Variants in CCSER2 observed in about 807,000 individuals in gnomAD.
CCSER2 encodes the protein coiled-coil serine rich protein 2.
A neutral mutation model predicts 92.3 loss-of-function variants in CCSER2; 46 were observed. The observed-to-expected ratio is 0.50, with a 90% CI of 0.39 to 0.64. The LOEUF is 0.64. CCSER2 is among the 30% of genes least tolerant of loss of function. The pLI is 0.00. For synonymous variants in CCSER2, 433 were observed against 431.4 expected (o/e 1.00, Z -0.04); for missense variants, 1,244 against 1,238.9 (o/e 1.00, Z -0.06).
Position 84,417,811 on chromosome 10 carries a change from A to G in CCSER2, c.1655A>G (p.Asp552Gly). Residue 552 changes from aspartate (D) to glycine (G), a missense_variant, in exon 4 of 10, where the codon GAT (aspartate) becomes GGT (glycine). Physicochemically the swap from Asp to Gly is moderately conservative, Grantham distance 94. Transcript: ENST00000372088. The stretch of plus-strand genomic sequence containing the variant: ...CTTGAATCATGTGACCTTGAGGATG[A>G]TGATCTTATGCTTGATGTGGATCTG... ...NNLESCDLEDDDLMLDVDLPE... is the reference protein window; with the variant it reads ...NNLESCDLEDGDLMLDVDLPE... 6.3e-7 allele frequency: 1 copy of G among 1,599,020 alleles called. No homozygotes were observed. The highest frequency in any genetic ancestry group is 8.6e-7 in the Non-Finnish European group (1 of 1,166,480).
chr10:84,495,348 A>G (rs890226368), intron 9 of CCSER2, among the ~76,000 whole-genome samples: 1 of 151,916 alleles, frequency 6.6e-6, no homozygotes, highest in African/African-American at 2.4e-5. Flanking sequence ...CAATATTTTA[A>G]CTTTGTTGTG....
intron 9 of CCSER2, among the ~76,000 whole-genome samples, chr10:84,495,388 T>C (rs927039984): frequency 6.6e-6 from 1 of 152,234 alleles, no homozygotes; most frequent in African/African-American, 2.4e-5. Context: ...CTATGGTCTG[T>C]CTTGGTAAAT....
chr10:84,460,124 C>T (rs2133648448), intron 6 of CCSER2, among the ~76,000 whole-genome samples: 1 of 129,376 alleles, frequency 7.7e-6, no homozygotes. Context: ...GAGTCTCACT[C>T]TGTTGCCCAG....
At chr10:84,453,793 T>A (rs1393266138) in intron 6 of CCSER2, among the ~76,000 whole-genome samples, 1 of 152,208 alleles carries the variant, frequency 6.6e-6, no homozygotes, top group Admixed American at 6.5e-5. Context: ...TTGGTACATC[T>A]TCTTGGCAGA....
chr10:84,371,139 A>G lies in CCSER2; in HGVS notation c.87A>G (p.Pro29=). The G allele has an allele frequency of 6.2e-7, 1 of 1,613,366 alleles. No individual in the cohort carries two copies. The highest frequency in any genetic ancestry group is 1.1e-5 in the South Asian group (1 of 90,850). The change falls in exon 2 of 10, where the codon CCA becomes CCG. Residue 29 remains proline, a synonymous_variant. Transcript: ENST00000372088. ...GTKSVRSTLQ[P]MPNGTPVNLL... ...AATCTGTAAGAAGTACATTGCAGCC[A>G]ATGCCAAATGGGACACCTGTTAATT...
At chr10:84,446,057 A>G (rs1372954895) in intron 6 of CCSER2, among the ~76,000 whole-genome samples, 2 of 151,676 alleles carry the variant, frequency 1.3e-5, no homozygotes, top group African/African-American at 4.8e-5. Context: ...ATACCTACCC[A>G]CTCTTTCCCT....
At chr10:84,425,932 C>T (rs1315596857) in intron 5 of CCSER2, 39 bp downstream of exon 5, 1 of 1,361,280 alleles carries the variant, frequency 7.3e-7, no homozygotes, top group South Asian at 1.7e-5. Context: ...TTGCTGTCCT[C>T]TGATTTTGAA....
chr10:84,420,803 C>T (rs868511698), intron 4 of CCSER2, among the ~76,000 whole-genome samples: 3 of 151,840 alleles, frequency 2.0e-5, no homozygotes, highest in East Asian at 3.9e-4. Context: ...CGTGGAGGCA[C>T]GTGCCTGTAG....
At chr10:84,372,573 A>T in intron 2 of CCSER2, 104 bp downstream of exon 2, 1 of 752,778 alleles carries the variant, frequency 1.3e-6, no homozygotes, top group South Asian at 2.1e-5. Context: ...TATCAGTTTC[A>T]CGGAGGGATA....
intron 1 of CCSER2, among the ~76,000 whole-genome samples, chr10:84,332,726 A>G (rs1413991023): frequency 1.3e-5 from 2 of 151,632 alleles, no homozygotes; most frequent in Non-Finnish European, 2.9e-5. Context: ...GTGAGGCGGG[A>G]GAATCGCTTG....
chr10:84,419,861 A>G (rs1277756733), intron 4 of CCSER2, among the ~76,000 whole-genome samples: 2 of 152,238 alleles, frequency 1.3e-5, no homozygotes, highest in Non-Finnish European at 2.9e-5. Context: ...AATGACAGAA[A>G]GCATCACTGC....
intron 8 of CCSER2, among the ~76,000 whole-genome samples, chr10:84,471,802 T>C (rs1846818323): frequency 6.6e-6 from 1 of 152,070 alleles, no homozygotes; most frequent in Non-Finnish European, 1.5e-5. Context: ...CCTTAATTTT[T>C]CTGAAATTAA....
At chr10:84,346,306 C>T (rs1026338209) in intron 1 of CCSER2, among the ~76,000 whole-genome samples, 5 of 152,000 alleles carry the variant, frequency 3.3e-5, no homozygotes, top group Non-Finnish European at 4.4e-5. Context: ...TCAGGTGATC[C>T]GCCTACCTTG....
intron 9 of CCSER2, among the ~76,000 whole-genome samples, chr10:84,486,132 C>A (rs1248895657): frequency 6.6e-6 from 1 of 152,150 alleles, no homozygotes; most frequent in East Asian, 1.9e-4. Flanking sequence ...TTTTCTTAAT[C>A]CAGTCTATCA....
chr10:84,357,721 A>T (rs1414311651), intron 1 of CCSER2, among the ~76,000 whole-genome samples: 2 of 152,250 alleles, frequency 1.3e-5, no homozygotes, highest in East Asian at 3.9e-4. Flanking sequence ...AAGTGTTGGG[A>T]TTACAGGCGT....
intron 1 of CCSER2, among the ~76,000 whole-genome samples, chr10:84,346,404 T>A (rs185618039): frequency 2.6e-5 from 4 of 151,652 alleles, no homozygotes; most frequent in Admixed American, 1.3e-4. Flanking sequence ...AAAAAAAAAC[T>A]AAATATTTTG....
intron 3 of CCSER2, among the ~76,000 whole-genome samples, chr10:84,402,750 T>C (rs368924602): frequency 2.0e-5 from 3 of 152,186 alleles, no homozygotes; most frequent in African/African-American, 4.8e-5. Flanking sequence ...ATGTCCATTC[T>C]CACCACTCTT....
chr10:84,346,602 T>C (rs191971666), intron 1 of CCSER2, among the ~76,000 whole-genome samples: 19 of 152,118 alleles, frequency 1.2e-4, no homozygotes, highest in Admixed American at 1.2e-3. Context: ...GATTTATTGC[T>C]ATATATTACA....
At chr10:84,365,606 T>C (rs1023083128) in intron 1 of CCSER2, among the ~76,000 whole-genome samples, 2 of 152,150 alleles carry the variant, frequency 1.3e-5, no homozygotes, top group African/African-American at 2.4e-5. Flanking sequence ...ATTATTCTTT[T>C]CCCCCACAAA....
Sources: allele counts gnomAD v4.1 joint callset (sites outside exome capture counted in the v4.1 genomes callset), GRCh38; gene constraint gnomAD v4.1.1; transcripts MANE v1.5; gene names NCBI Gene and HGNC (gene_info 2026-07-23, HGNC 2026-07-21).